The following MIPOL1 variants were observed in gnomAD, a reference collection of about 807,000 sequenced individuals.
The protein encoded by MIPOL1 is mirror-image polydactyly gene 1 protein.
Under a neutral mutation model 60.9 loss-of-function variants are expected in MIPOL1, and 57 were observed. That is an observed-to-expected ratio of 0.94 (90% CI 0.76 to 1.17). The LOEUF (loss-of-function observed/expected upper bound fraction) is 1.17, where lower values mean the gene tolerates loss of function less well. Among genes scored for constraint, MIPOL1 ranks in the 50% most tolerant of loss-of-function variants. The probability of loss-of-function intolerance (pLI) is 0.00; values close to 1 mark genes in which losing one functional copy is unlikely to be tolerated. For missense variants in MIPOL1, 551 were observed against 511.6 expected (o/e 1.08, Z -0.74); for synonymous variants, 179 against 168.8 (o/e 1.06, Z -0.47).
At chr14:37,525,478 G>A (rs2095441131) in intron 12 of MIPOL1, among the ~76,000 whole-genome samples, 1 of 152,094 alleles carries the variant, frequency 6.6e-6, no homozygotes, top group Admixed American at 6.6e-5. Context: ...CCAAAAATAT[G>A]ATTTTAAAAT....
chr14:37,262,594 C>G (rs745787289), intron 3 of MIPOL1, among the ~76,000 whole-genome samples: 1 of 152,154 alleles, frequency 6.6e-6, no homozygotes. Flanking sequence ...GTTATGTTAT[C>G]AAGTATCAGG....
intron 7 of MIPOL1, among the ~76,000 whole-genome samples, chr14:37,294,774 A>G (rs1429381768): frequency 6.6e-6 from 1 of 152,184 alleles, no homozygotes; most frequent in Non-Finnish European, 1.5e-5. Flanking sequence ...AAAAGAAATG[A>G]GCAAAGCCTC....
chr14:37,216,404 A>G (rs1967714342), intron 1 of MIPOL1, among the ~76,000 whole-genome samples: 1 of 151,272 alleles, frequency 6.6e-6, no homozygotes, highest in Admixed American at 6.6e-5. Flanking sequence ...TGGAAACATC[A>G]AACTTCGTTT....
intron 10 of MIPOL1, among the ~76,000 whole-genome samples, chr14:37,382,200 G>A (rs986864685): frequency 6.6e-6 from 1 of 152,024 alleles, no homozygotes; most frequent in Non-Finnish European, 1.5e-5. Context: ...GCCCTAAAGT[G>A]ATTTGGAATA....
At chr14:37,289,674 C>T (rs1280803624) in intron 7 of MIPOL1, among the ~76,000 whole-genome samples, 1 of 152,128 alleles carries the variant, frequency 6.6e-6, no homozygotes, top group Non-Finnish European at 1.5e-5. Context: ...TTAGGATGCT[C>T]TAGGAATCCT....
In MIPOL1 at chr14:37,544,229, G is replaced by A. The variant is rs187906776; in HGVS notation, c.1263-2676G>A. 1.4e-4 allele frequency among the ~76,000 whole-genome samples: 21 copies of A among 152,266 alleles called. No individual in the cohort carries two copies. In the East Asian group the frequency reaches 4.1e-3, roughly 29 times the overall value. On this transcript the variant is annotated intron_variant, in intron 12 of 12. Transcript: ENST00000684589. ...AAATACCAACAAAACAACAACCATA[G>A]TGATAAAAGAAACAAAAATCATATT...
chr14:37,342,927 A>ATTTG (rs139596328), intron 9 of MIPOL1, among the ~76,000 whole-genome samples: 148,425 of 150,216 alleles, frequency 0.99, 73,353 homozygotes, highest in Middle Eastern at 1. Context: ...AAATTACTAT[A>ATTTG]TTATTAAATC....
At chr14:37,313,674 T>G (rs2087586283) in intron 9 of MIPOL1, among the ~76,000 whole-genome samples, 1 of 152,194 alleles carries the variant, frequency 6.6e-6, no homozygotes, top group South Asian at 2.1e-4. Flanking sequence ...ATTCTTTATG[T>G]ACATGCGTGT....
intron 10 of MIPOL1, among the ~76,000 whole-genome samples, chr14:37,394,082 A>ATATATATATATATATATATATC (rs1461974156): frequency 7.3e-6 from 1 of 136,336 alleles, no homozygotes; most frequent in African/African-American, 2.7e-5. Context: ...ATATATATAT[A>ATATATATATATATATATATATC]TATCTCCATG....
At chr14:37,460,758 A>G (rs2094529814) in intron 11 of MIPOL1, among the ~76,000 whole-genome samples, 1 of 152,174 alleles carries the variant, frequency 6.6e-6, no homozygotes, top group Admixed American at 6.5e-5. Flanking sequence ...CCCATTTACA[A>G]TAGCCACACA....
At chr14:37,444,612 G>C (rs568389010) in intron 11 of MIPOL1, among the ~76,000 whole-genome samples, 37 of 152,304 alleles carry the variant, frequency 2.4e-4, no homozygotes, top group Admixed American at 4.6e-4. Context: ...CTGATTTCAA[G>C]ATATATTCTG....
In MIPOL1 at chr14:37,466,642, G is replaced by C. The variant is rs970004628; in HGVS notation, c.1032-33266G>C. ...TACATGTAGAGCACTCTACATTCTT[G>C]TCAAATCTTTTCGCTGAAGATGACC... On this transcript the variant is annotated intron_variant, in intron 11 of 12. Coordinates refer to ENST00000684589, the MANE Select transcript of MIPOL1 (RefSeq NM_001388067.1). Among the ~76,000 whole-genome samples, 7 of 152,186 alleles carry C rather than the reference G, an allele frequency of 4.6e-5. No homozygotes were observed. In the East Asian group the frequency reaches 1.2e-3, roughly 25 times the overall value.
chr14:37,369,623 A>G lies in MIPOL1; in HGVS notation c.935A>G (p.Lys312Arg). The change falls in exon 10 of 13, where the codon AAG becomes AGG. Residue 312 changes from lysine to arginine, a missense_variant and splice_region_variant. By Grantham distance (26) the Lys-to-Arg change is conservative. Coordinates refer to ENST00000684589, the MANE Select transcript of MIPOL1 (RefSeq NM_001388067.1). ...TAENNQERAL[K>R]AKLLSMQQAR... is the part of the protein sequence containing the mutation. ...GAAAACAATCAAGAACGTGCTCTGA[A>G]GGTAAATCTCCGTTCCTTCTTGCAG... 6.2e-7 allele frequency: 1 copy of G among 1,611,508 alleles called. No homozygotes were observed. The highest frequency in any genetic ancestry group is 1.1e-5 in the South Asian group (1 of 91,026).
chr14:37,478,092 G>C (rs1409485673), intron 11 of MIPOL1, among the ~76,000 whole-genome samples: 1 of 152,204 alleles, frequency 6.6e-6, no homozygotes, highest in Non-Finnish European at 1.5e-5. Context: ...TTGCAAAAGA[G>C]TATGGTGCTA....
At chr14:37,528,204 A>T (rs1001860867) in intron 12 of MIPOL1, among the ~76,000 whole-genome samples, 4 of 152,076 alleles carry the variant, frequency 2.6e-5, no homozygotes, top group African/African-American at 9.6e-5. Flanking sequence ...AAATGTTTTC[A>T]TACAATACAT....
chr14:37,208,553 A>G (rs1966469333), intron 1 of MIPOL1, among the ~76,000 whole-genome samples: 1 of 152,194 alleles, frequency 6.6e-6, no homozygotes, highest in Admixed American at 6.5e-5. Context: ...TTAATGAATG[A>G]ATAAAAAGTG....
chr14:37,205,066 C>A (rs1965867936), intron 1 of MIPOL1, among the ~76,000 whole-genome samples: 1 of 151,818 alleles, frequency 6.6e-6, no homozygotes, highest in Non-Finnish European at 1.5e-5. Context: ...GAACTTTGAA[C>A]TTGAGAGAGA....
intron 9 of MIPOL1, among the ~76,000 whole-genome samples, chr14:37,364,874 T>C (rs1262266094): frequency 6.6e-6 from 1 of 152,180 alleles, no homozygotes; most frequent in Non-Finnish European, 1.5e-5. Flanking sequence ...GTCTTTTCAT[T>C]TTTTGGTGTT....
In MIPOL1 at chr14:37,547,693, G is replaced by C. The variant is rs1016830154; in HGVS notation, c.*722G>C. 6 of 152,402 alleles carry C rather than the reference G, an allele frequency of 3.9e-5. No individual in the cohort carries two copies. Among genetic ancestry groups the C allele is most frequent in the Non-Finnish European group, 8.8e-5 (6 of 67,952 alleles). 9.4% of individuals were successfully genotyped at this position (152,402 alleles called of 1,614,324 possible). On this transcript the variant is annotated 3_prime_UTR_variant, in exon 13 of 13. Coordinates refer to ENST00000684589, the MANE Select transcript of MIPOL1 (RefSeq NM_001388067.1). ...CATTGTCAGTATTTTTTAATATTGGGTCTGAATAATTATCTGAATTCTACT... is the reference window on the plus strand; with the variant it reads ...CATTGTCAGTATTTTTTAATATTGGCTCTGAATAATTATCTGAATTCTACT...
Sources: allele counts gnomAD v4.1 joint callset (sites outside exome capture counted in the v4.1 genomes callset), GRCh38; gene constraint gnomAD v4.1.1; transcripts MANE v1.5; gene names NCBI Gene and HGNC (gene_info 2026-07-23, HGNC 2026-07-21).